PID1: variants seen among roughly 807,000 people sequenced by gnomAD.
PID1 encodes phosphotyrosine interaction domain containing 1, also known as PTB-containing, cubilin and LRP1-interacting protein.
In PID1, 10 loss-of-function variants were observed where a neutral mutation model predicts 19.1. The observed-to-expected ratio is 0.52, with a 90% CI of 0.32 to 0.89. The LOEUF (loss-of-function observed/expected upper bound fraction) is 0.89, where lower values mean the gene tolerates loss of function less well. PID1 is among the 40% of genes least tolerant of loss of function. The probability of loss-of-function intolerance (pLI) is 0.03; values close to 1 mark genes in which losing one functional copy is unlikely to be tolerated. For synonymous variants in PID1, 130 were observed against 116.0 expected (o/e 1.12, Z -0.78); for missense variants, 248 against 285.3 (o/e 0.87, Z 0.94).
intron 1 of PID1, among the ~76,000 whole-genome samples, chr2:229,241,142 G>A (rs1259442109): frequency 1.3e-5 from 2 of 152,014 alleles, no homozygotes; most frequent in Non-Finnish European, 2.9e-5. Flanking sequence ...CAAATTAATA[G>A]TAGCTGTTTT....
At position 229,097,959 on chromosome 2, in the gene PID1, C is replaced by T. The variant is rs185042440; in HGVS notation, c.177+57859G>A. 7.2e-5 allele frequency among the ~76,000 whole-genome samples: 11 copies of T among 152,276 alleles called. No homozygotes were observed. In the East Asian group the frequency reaches 2.1e-3, roughly 29 times the overall value. Reference sequence around the variant, plus strand: ...ACCAGAGCTAGGAATTCTGGGAGGTCAAACTCTTGTTACACTTCTAGAATT... The same window carrying T: ...ACCAGAGCTAGGAATTCTGGGAGGTTAAACTCTTGTTACACTTCTAGAATT... On this transcript the variant is annotated intron_variant, in intron 2 of 2. Transcript: ENST00000392055.
chr2:229,071,000 T>C (rs1553559456), intron 2 of PID1, among the ~76,000 whole-genome samples: 1 of 152,220 alleles, frequency 6.6e-6, no homozygotes, highest in Non-Finnish European at 1.5e-5. Flanking sequence ...TTTTTAGAAA[T>C]CTACCTCTAT....
At chr2:229,199,964 C>A (rs1301779535) in intron 1 of PID1, among the ~76,000 whole-genome samples, 2 of 151,832 alleles carry the variant, frequency 1.3e-5, no homozygotes, top group Admixed American at 1.3e-4. Context: ...ATAATTTTAA[C>A]AATTGCTAAT....
intron 2 of PID1, among the ~76,000 whole-genome samples, chr2:229,115,703 C>T (rs1404480046): frequency 6.6e-6 from 1 of 152,116 alleles, no homozygotes; most frequent in Non-Finnish European, 1.5e-5. Flanking sequence ...ATTTACAATA[C>T]TGACACACCA....
rs138388394 is a variant in PID1 at position 229,178,386 on chromosome 2, G to A, written c.31-22422C>T. On this transcript the variant is annotated intron_variant, in intron 1 of 2. Transcript: ENST00000392055. Reference sequence around the variant, plus strand: ...GCAGTTGTCTAACAAAAACCTCCCCGTAAGCTCATGTCAAAAGGCATCTTA... The same window carrying A: ...GCAGTTGTCTAACAAAAACCTCCCCATAAGCTCATGTCAAAAGGCATCTTA... Among the ~76,000 whole-genome samples the A allele has an allele frequency of 2.3e-3, 347 of 152,142 alleles. 4 individuals carry two copies. Among genetic ancestry groups the A allele is most frequent in the East Asian group, 0.015 (76 of 5,164 alleles).
At chr2:229,168,857 A>T (rs937598485) in intron 1 of PID1, among the ~76,000 whole-genome samples, 14 of 152,198 alleles carry the variant, frequency 9.2e-5, no homozygotes, top group African/African-American at 3.4e-4. Context: ...AAGTCAATCT[A>T]GTCTAGAACT....
chr2:229,062,161 T>A (rs1158876418), intron 2 of PID1, among the ~76,000 whole-genome samples: 2 of 152,004 alleles, frequency 1.3e-5, no homozygotes, highest in Non-Finnish European at 2.9e-5. Flanking sequence ...ATCATTGTTT[T>A]ATTTCTGATT....
chr2:229,231,915 G>T (rs759627680), intron 1 of PID1: 11 of 1,550,170 alleles, frequency 7.1e-6, no homozygotes, highest in South Asian at 1.2e-5. Flanking sequence ...AACAGAAATT[G>T]ATTTTCTCAC....
chr2:229,146,525 T>TTGTGTGTGTGTG (rs143860908), intron 2 of PID1, among the ~76,000 whole-genome samples: 7 of 148,622 alleles, frequency 4.7e-5, no homozygotes, highest in African/African-American at 1.7e-4. Context: ...TGTGAACATT[T>TTGTGTGTGTGTG]TGTGTGTGTG....
At chr2:229,214,613 T>C (rs1025474932) in intron 1 of PID1, among the ~76,000 whole-genome samples, 1 of 152,190 alleles carries the variant, frequency 6.6e-6, no homozygotes, top group African/African-American at 2.4e-5. Flanking sequence ...TTTCACTAAC[T>C]ATCTACCTGT....
intron 1 of PID1, among the ~76,000 whole-genome samples, chr2:229,242,646 C>T (rs1022258721): frequency 1.2e-4 from 18 of 152,238 alleles, no homozygotes; most frequent in African/African-American, 4.3e-4. Context: ...TCCCCTTTTG[C>T]CTGTACCATT....
intron 2 of PID1, among the ~76,000 whole-genome samples, chr2:229,038,768 C>T (rs1693711692): frequency 2.0e-5 from 3 of 152,144 alleles, no homozygotes; most frequent in African/African-American, 4.8e-5. Context: ...TCCACTCTCT[C>T]CCTTTATGAG....
intron 1 of PID1, among the ~76,000 whole-genome samples, chr2:229,182,196 A>G (rs1690960339): frequency 6.6e-6 from 1 of 152,300 alleles, no homozygotes; most frequent in African/African-American, 2.4e-5. Context: ...CCTAATGTAA[A>G]CTATGGACTC....
chr2:229,269,797 T>G (rs1006139527), intron 1 of PID1, among the ~76,000 whole-genome samples: 5 of 152,208 alleles, frequency 3.3e-5, no homozygotes, highest in Non-Finnish European at 5.9e-5. Flanking sequence ...GCAGGTTTTC[T>G]TGTTTATTCT....
intron 1 of PID1, among the ~76,000 whole-genome samples, chr2:229,214,000 T>A (rs1691792506): frequency 6.6e-6 from 1 of 152,206 alleles, no homozygotes; most frequent in Admixed American, 6.5e-5. Flanking sequence ...TCAGCTCTCT[T>A]TAATTACAGT....
intron 2 of PID1, among the ~76,000 whole-genome samples, chr2:229,063,432 C>T (rs953136010): frequency 6.6e-6 from 1 of 152,042 alleles, no homozygotes; most frequent in African/African-American, 2.4e-5. Context: ...TGGGAATTCT[C>T]CAAAATTCTT....
At chr2:229,262,612 GC>G in intron 1 of PID1, 1 of 1,512,768 alleles carries the variant, frequency 6.6e-7, no homozygotes, top group Non-Finnish European at 8.9e-7. Context: ...TGGTGTAGTA[GC>G]TACCTAGGGC....
intron 1 of PID1, among the ~76,000 whole-genome samples, chr2:229,233,422 G>C (rs1692258285): frequency 6.6e-6 from 1 of 151,628 alleles, no homozygotes; most frequent in Non-Finnish European, 1.5e-5. Context: ...GGGAGACCAA[G>C]ATGAAAAAAG....
intron 2 of PID1, among the ~76,000 whole-genome samples, chr2:229,079,687 GATAA>G (rs1337729268): frequency 2.0e-5 from 3 of 152,210 alleles, no homozygotes; most frequent in Admixed American, 1.3e-4. Context: ...CATTTGAGGA[GATAA>G]ATAGTGGCAT....
Sources: gnomAD v4.1 joint callset for allele counts (sites outside exome capture counted in the v4.1 genomes callset) on GRCh38, gnomAD v4.1.1 for gene constraint, MANE v1.5 for transcripts, NCBI Gene and HGNC (gene_info 2026-07-23, HGNC 2026-07-21) for gene names.